FSCN3: variants seen among roughly 807,000 people sequenced by gnomAD.
The protein encoded by FSCN3 is fascin-3.
A neutral mutation model predicts 53.5 loss-of-function variants in FSCN3; 43 were observed. The observed-to-expected ratio is 0.80, with a 90% CI of 0.63 to 1.04. FSCN3 has a LOEUF of 1.04. FSCN3 is among the 50% of genes least tolerant of loss of function. The pLI is 0.00. For synonymous variants in FSCN3, 235 were observed against 246.6 expected, an observed-to-expected ratio of 0.95 and a Z score of 0.44; for missense variants, 594 against 646.5, an observed-to-expected ratio of 0.92 and a Z score of 0.88.
intron 6 of FSCN3, among the ~76,000 whole-genome samples, chr7:127,600,642 G>A (rs1794459422): frequency 6.6e-6 from 1 of 152,160 alleles, no homozygotes; most frequent in Non-Finnish European, 1.5e-5. Flanking sequence ...CTGACAGGTG[G>A]GCTTGGAAGC....
At chr7:127,595,262 A>T in intron 1 of FSCN3, 45 bp from the exon 2 acceptor site, 9 of 1,545,754 alleles carry the variant, frequency 5.8e-6, no homozygotes, top group Non-Finnish European at 6.2e-6. Context: ...TGGTCTGGTA[A>T]CTTCGTGATA....
At chr7:127,596,958 C>T (rs554732654) in intron 3 of FSCN3, among the ~76,000 whole-genome samples, 5 of 152,360 alleles carry the variant, frequency 3.3e-5, no homozygotes, top group Admixed American at 2.6e-4. Context: ...CGTTTCTGAT[C>T]AATGGAAACA....
In FSCN3 at chr7:127,600,416, G is replaced by C; in HGVS notation, c.*17G>C. ...GAATTTTAGGTAAGGGAGAGGAACAGGTAAGGGGCTAGGGGAGCAGAAGCC... is the reference window on the plus strand; with the variant it reads ...GAATTTTAGGTAAGGGAGAGGAACACGTAAGGGGCTAGGGGAGCAGAAGCC... On this transcript the variant is annotated intron_variant, in intron 6 of 6. Coordinates refer to ENST00000265825, the MANE Select transcript of FSCN3 (RefSeq NM_020369.3). 1 of 1,472,256 alleles carries C rather than the reference G, an allele frequency of 6.8e-7. No individual in the cohort carries two copies. Among genetic ancestry groups the C allele is most frequent in the African/African-American group, 1.4e-5 (1 of 72,344 alleles). The allele number at this position is 1,472,256 out of a possible 1,614,324, so 91.2% of individuals were successfully genotyped here. A position where few individuals can be genotyped will look rare whatever the true frequency, so the allele number is the denominator to read the frequency against.
At position 127,601,821 on chromosome 7, in the gene FSCN3, A is replaced by G. The variant is rs1484461054; in HGVS notation, c.*199A>G. The stretch of plus-strand genomic sequence containing the variant: ...AAGATCCTTGTGTGCATCTGACTCA[A>G]TATAGAATAGGGGTCTGGATGAGGG... On this transcript the variant is annotated 3_prime_UTR_variant, in exon 7 of 7. Coordinates refer to ENST00000265825, the MANE Select transcript of FSCN3 (RefSeq NM_020369.3). 2 of 152,172 alleles carry G rather than the reference A, an allele frequency of 1.3e-5. No homozygotes were observed. Among genetic ancestry groups the G allele is most frequent in the Admixed American group, 6.5e-5 (1 of 15,278 alleles). The allele number at this position is 152,172 out of a possible 1,614,324, so 9.4% of individuals were successfully genotyped here.
Position 127,598,603 on chromosome 7 carries a change from A to T in FSCN3, c.1120+9A>T. On this transcript the variant is annotated intron_variant, in intron 4 of 6. Transcript: ENST00000265825. ...CAATGTCATCCTTCCAGGTGAGTGGAGCAGCCTTCCTGCCAGATGATTCCA... is the reference window on the plus strand; with the variant it reads ...CAATGTCATCCTTCCAGGTGAGTGGTGCAGCCTTCCTGCCAGATGATTCCA... The T allele has an allele frequency of 6.3e-7, 1 of 1,591,518 alleles. No individual in the cohort carries two copies. Among genetic ancestry groups the T allele is most frequent in the Non-Finnish European group, 8.6e-7 (1 of 1,165,604 alleles).
intron 5 of FSCN3, 42 bp from the exon 6 acceptor site, chr7:127,600,152 C>T: frequency 1.8e-6 from 2 of 1,085,200 alleles, no homozygotes; most frequent in Non-Finnish European, 2.9e-6. Flanking sequence ...CTGGAGGACT[C>T]CCCTGTGAAT....
intron 1 of FSCN3, chr7:127,594,931 C>T (rs1794361282): frequency 6.3e-6 from 3 of 475,648 alleles, no homozygotes; most frequent in Non-Finnish European, 1.3e-5. Flanking sequence ...TAAGTGTGCT[C>T]TCTGCGGACA....
chr7:127,595,229 G>A, intron 1 of FSCN3, 78 bp from the exon 2 acceptor site: 1 of 1,305,448 alleles, frequency 7.7e-7, no homozygotes, highest in South Asian at 1.4e-5. Flanking sequence ...GGTGATACCA[G>A]CCATGACAGT....
At chr7:127,596,147 AG>A (rs1794384705) in intron 2 of FSCN3, 144 bp downstream of exon 2, 1 of 1,494,020 alleles carries the variant, frequency 6.7e-7, no homozygotes, top group Non-Finnish European at 8.9e-7. Context: ...GCCATCGAGA[AG>A]GACAGAAAAG....
rs201189518 is a variant in FSCN3 at position 127,599,414 on chromosome 7, A to G, written c.1154A>G (p.Asn385Ser). ...PNEEFGILFA[N>S]RSFLVLRGRY... ...GAGGAATTTGGGATTTTATTTGCCA[A>G]TCGCTCCTTCCTTGTATTGCGAGGT... Residue 385 changes from asparagine to serine, a missense_variant, in exon 5 of 7, where the codon AAT becomes AGT. Coordinates refer to ENST00000265825, the MANE Select transcript of FSCN3 (RefSeq NM_020369.3). 18 of 1,613,798 alleles carry G rather than the reference A, an allele frequency of 1.1e-5. No individual in the cohort carries two copies. Among genetic ancestry groups the G allele is most frequent in the Non-Finnish European group, 1.1e-5 (13 of 1,179,822 alleles).
intron 3 of FSCN3, among the ~76,000 whole-genome samples, chr7:127,597,767 C>A (rs183183804): frequency 6.6e-6 from 1 of 152,162 alleles, no homozygotes; most frequent in East Asian, 1.9e-4. Context: ...CATGAGCCAC[C>A]GTGCCCGTTT....
Position 127,595,917 on chromosome 7 carries a change from G to T in FSCN3, c.755G>T (p.Arg252Met). Residue 252 changes from arginine (R) to methionine (M), a missense_variant, in exon 2 of 7, where the codon AGG (arginine) becomes ATG (methionine). By Grantham distance (91) the Arg-to-Met change is moderately conservative (BLOSUM62 -1). Transcript: ENST00000265825. ...LLLGMGCNPM[R>M]GEEWFILQHC... ...TTGGGCATGGGCTGCAACCCCATGA[G>T]GGGTGAGGAGTGGTTCATCCTACAG... is the stretch of plus-strand genomic sequence containing the variant. 6.2e-7 allele frequency: 1 copy of T among 1,611,176 alleles called. No homozygotes were observed. Among genetic ancestry groups the T allele is most frequent in the Non-Finnish European group, 8.5e-7 (1 of 1,178,362 alleles).
rs1794341018 is a variant in FSCN3, at chr7:127,594,138, A to C, written c.144+141A>C. ...TGCCTGTATATGAAAGTATACTGGA[A>C]CCGGTTTTCTGAGTGGCCAAGCTGT... On this transcript the variant is annotated intron_variant, in intron 1 of 6. Transcript: ENST00000265825. 8 of 945,738 alleles carry C rather than the reference A, an allele frequency of 8.5e-6. No individual in the cohort carries two copies. In the South Asian group the frequency reaches 1.1e-4, roughly 13 times the overall value. 58.6% of individuals were successfully genotyped at this position (945,738 alleles called of 1,614,324 possible).
Position 127,599,527 on chromosome 7 carries a change from C to T in FSCN3, c.1267C>T (p.Arg423Ter), listed in dbSNP as rs184679485. Residue 423 changes from arginine to a stop codon, truncating the protein, a stop_gained, in exon 5 of 7, where the codon CGA becomes TGA. Coordinates refer to ENST00000265825, the MANE Select transcript of FSCN3 (RefSeq NM_020369.3). LOFTEE classifies it high-confidence loss of function. ...CGACCGCATTCATCTACTACCCTGC[C>T]GACCGGGTATCTACCACTTCCAGGG... ...QPDRIHLLPC[R>*]PGIYHFQAQG... The T allele has an allele frequency of 1.0e-4, 167 of 1,614,094 alleles. No individual in the cohort carries two copies. In the East Asian group the frequency reaches 3.1e-3, roughly 30 times the overall value.
rs1794371074 is a variant in FSCN3 at position 127,595,431 on chromosome 7, G to T, written c.269G>T (p.Ser90Ile). The T allele has an allele frequency of 1.9e-6, 3 of 1,614,164 alleles. No individual in the cohort carries two copies. In the East Asian group the frequency reaches 6.7e-5, roughly 36 times the overall value. ...GTVCYGRPRT[S>I]HHGCFLLRFH... ...GTGTGTTATGGCCGCCCAAGGACCA[G>T]CCACCATGGGTGCTTTCTACTGCGT... The change falls in exon 2 of 7, where the codon AGC (serine) becomes ATC (isoleucine). Residue 90 changes from serine (S) to isoleucine (I), a missense_variant. Ser to Ile is a moderately radical substitution (Grantham distance 142). Coordinates refer to ENST00000265825, the MANE Select transcript of FSCN3 (RefSeq NM_020369.3).
In FSCN3 at chr7:127,601,948, A is replaced by T. The variant is rs773895008; in HGVS notation, c.*326A>T. ...CCCCGTCCCCATCCAGAACTGCTAGACTTTTTCCAGTGAACCCATGAGCAG... is the reference window on the plus strand; with the variant it reads ...CCCCGTCCCCATCCAGAACTGCTAGTCTTTTTCCAGTGAACCCATGAGCAG... On this transcript the variant is annotated 3_prime_UTR_variant, in exon 7 of 7. Coordinates refer to ENST00000265825, the MANE Select transcript of FSCN3 (RefSeq NM_020369.3). 6.6e-6 allele frequency: 1 copy of T among 152,228 alleles called. No individual in the cohort carries two copies. Among genetic ancestry groups the T allele is most frequent in the Non-Finnish European group, 1.5e-5 (1 of 68,054 alleles). 9.4% of individuals were successfully genotyped at this position (152,228 alleles called of 1,614,324 possible). A position where few individuals can be genotyped will look rare whatever the true frequency, so the allele number is the denominator to read the frequency against.
chr7:127,599,554 G>A lies in FSCN3; in HGVS notation c.1291+3G>A, dbSNP rs534616686. 3.7e-6 allele frequency: 6 copies of A among 1,613,510 alleles called. No individual in the cohort carries two copies. The South Asian group carries it at 5.5e-5, about 15-fold the overall frequency. On this transcript the variant is annotated splice_donor_region_variant and intron_variant, in intron 5 of 6. Coordinates refer to ENST00000265825, the MANE Select transcript of FSCN3 (RefSeq NM_020369.3). Reference sequence around the variant, plus strand: ...ACCGGGTATCTACCACTTCCAGGGTGAGTGGCTCCTCTTCCCTGCCCAAGG... The same window carrying A: ...ACCGGGTATCTACCACTTCCAGGGTAAGTGGCTCCTCTTCCCTGCCCAAGG...
chr7:127,596,281 G>A (rs1197658567), intron 2 of FSCN3, 47 bp from the exon 3 acceptor site: 19 of 1,546,396 alleles, frequency 1.2e-5, no homozygotes, highest in Non-Finnish European at 1.5e-5. Context: ...ATGGAGGAGG[G>A]GCCGAGACTG....
rs748533837 is a variant in FSCN3 at position 127,596,363 on chromosome 7, C to T, written c.877C>T (p.Arg293Ter). 9 of 1,612,848 alleles carry T rather than the reference C, an allele frequency of 5.6e-6. No individual in the cohort carries two copies. Among genetic ancestry groups the T allele is most frequent in the Admixed American group, 3.3e-5 (2 of 59,980 alleles). The change falls in exon 3 of 7, where the codon CGA (arginine) becomes TGA (stop). Residue 293 changes from arginine to a stop codon, truncating the protein, a stop_gained. Coordinates refer to ENST00000265825, the MANE Select transcript of FSCN3 (RefSeq NM_020369.3). LOFTEE classifies it high-confidence loss of function. The part of the protein sequence containing the change: ...EVRAASERLN[R>*]MSLFQFECDS... Reference sequence around the variant, plus strand: ...GCGTGCTGCTTCTGAGCGCTTAAACCGAATGTCCTTGTTCCAGTTTGAATG... The same window carrying T: ...GCGTGCTGCTTCTGAGCGCTTAAACTGAATGTCCTTGTTCCAGTTTGAATG...
Sources: gnomAD v4.1 joint callset for allele counts (sites outside exome capture counted in the v4.1 genomes callset) on GRCh38, gnomAD v4.1.1 for gene constraint, MANE v1.5 for transcripts, NCBI Gene and HGNC (gene_info 2026-07-23, HGNC 2026-07-21) for gene names.